Variants in GLIS1 observed in about 807,000 individuals in gnomAD.
GLIS1 encodes the protein zinc finger protein GLIS1.
GLIS1 carries 24 observed loss-of-function variants against 63.8 expected under a neutral mutation model. The observed-to-expected ratio is 0.38, with a 90% CI of 0.27 to 0.53. GLIS1 has a LOEUF of 0.53. GLIS1 is among the 20% of genes least tolerant of loss of function. GLIS1 has a pLI of 0.85. For synonymous variants in GLIS1, 450 were observed against 482.5 expected, an observed-to-expected ratio of 0.93 and a Z score of 0.88; for missense variants, 1,036 against 1,074.1, an observed-to-expected ratio of 0.96 and a Z score of 0.50.
intron 2 of GLIS1, among the ~76,000 whole-genome samples, chr1:53,621,704 T>G (rs1448012114): frequency 6.6e-6 from 1 of 152,030 alleles, no homozygotes; most frequent in African/African-American, 2.4e-5. Context: ...ATTTAAAAAA[T>G]ATATTAAAAT....
intron 2 of GLIS1, among the ~76,000 whole-genome samples, chr1:53,714,598 G>A (rs111770222): frequency 6.7e-4 from 102 of 152,276 alleles, no homozygotes; most frequent in African/African-American, 2.1e-3. Context: ...TACCAGCTGC[G>A]GGCAGCATCA....
intron 2 of GLIS1, among the ~76,000 whole-genome samples, chr1:53,706,668 G>T (rs145037905): frequency 1.8e-3 from 273 of 152,300 alleles, no homozygotes; most frequent in Middle Eastern, 0.014. Context: ...TCGGAAACAC[G>T]TGCCTTGTAA....
chr1:53,614,724 T>C (rs757071549), intron 2 of GLIS1, among the ~76,000 whole-genome samples: 85 of 152,144 alleles, frequency 5.6e-4, no homozygotes, highest in Non-Finnish European at 1.1e-3. Context: ...CTGTTCTGTT[T>C]CCTCATTGGA....
chr1:53,613,779 G>A (rs1463127105), intron 2 of GLIS1, among the ~76,000 whole-genome samples: 1 of 152,128 alleles, frequency 6.6e-6, no homozygotes, highest in African/African-American at 2.4e-5. Context: ...TTATGAGGCA[G>A]TCACTTCCTA....
intron 2 of GLIS1, among the ~76,000 whole-genome samples, chr1:53,657,003 G>A (rs1003063056): frequency 2.3e-5 from 3 of 132,840 alleles, no homozygotes; most frequent in South Asian, 5.6e-4. Context: ...CAATCAATGA[G>A]CTGAGGGACA....
At chr1:53,698,380 T>C (rs1000505386) in intron 2 of GLIS1, among the ~76,000 whole-genome samples, 5 of 152,252 alleles carry the variant, frequency 3.3e-5, no homozygotes, top group African/African-American at 1.2e-4. Context: ...TGCTTCTACA[T>C]CCCCTCACCC....
At chr1:53,638,120 C>A (rs1645746456) in intron 2 of GLIS1, among the ~76,000 whole-genome samples, 1 of 152,162 alleles carries the variant, frequency 6.6e-6, no homozygotes, top group African/African-American at 2.4e-5. Flanking sequence ...GTGGGGACTG[C>A]CACGGGGAGA....
Position 53,706,280 on chromosome 1 carries a change from G to A in GLIS1, c.259+31526C>T, listed in dbSNP as rs2100508166. Among the ~76,000 whole-genome samples the A allele has an allele frequency of 3.3e-5, 5 of 152,254 alleles. No individual in the cohort carries two copies. In the South Asian group the frequency reaches 1.0e-3, roughly 32 times the overall value. Reference sequence around the variant, plus strand: ...CCATGCCATTCTGATTCCCCTTCAAGATGGTAACAGCCTCAGAGCTGTTAG... The same window carrying A: ...CCATGCCATTCTGATTCCCCTTCAAAATGGTAACAGCCTCAGAGCTGTTAG... On this transcript the variant is annotated intron_variant, in intron 2 of 10. Coordinates refer to ENST00000628545, the MANE Select transcript of GLIS1 (RefSeq NM_001367484.1).
At position 53,594,146 on chromosome 1, in the gene GLIS1, T is replaced by C. The variant is rs1645222627; in HGVS notation, c.1282A>G (p.Met428Val). The C allele has an allele frequency of 6.2e-7, 1 of 1,613,316 alleles. No individual in the cohort carries two copies. Among genetic ancestry groups the C allele is most frequent in the Non-Finnish European group, 8.5e-7 (1 of 1,179,526 alleles). The stretch of plus-strand genomic sequence containing the variant: ...GGCTTCTCGCCCGAGTGCACTCGCA[T>C]GTGGATGAGCAGCTTGTAGCGGGCG... ...FNARYKLLIHMRVHSGEKPNK... is the reference protein window; with the variant it reads ...FNARYKLLIHVRVHSGEKPNK... Residue 428 changes from methionine to valine, a missense_variant, in exon 4 of 11, where the codon ATG (methionine) becomes GTG (valine). Transcript: ENST00000628545.
intron 4 of GLIS1, among the ~76,000 whole-genome samples, chr1:53,547,559 C>G (rs1387063306): frequency 6.6e-6 from 1 of 152,218 alleles, no homozygotes; most frequent in Non-Finnish European, 1.5e-5. Flanking sequence ...AGGCAGGGCT[C>G]CCCCAGCACA....
At position 53,509,901 on chromosome 1, in the gene GLIS1, C is replaced by T. The variant is rs1305848145; in HGVS notation, c.2010G>A (p.Pro670=). The change falls in exon 9 of 11, where the codon CCG becomes CCA. Residue 670 remains proline, a synonymous_variant. Transcript: ENST00000628545. Reference sequence around the variant, plus strand: ...GAGGGCTCTGGAAGGGTGGGTAGGACGGCTTGCTGGGGAGTGTGGGGAAGG... The same window carrying T: ...GAGGGCTCTGGAAGGGTGGGTAGGATGGCTTGCTGGGGAGTGTGGGGAAGG... ...GQPFPTLPSK[P]SYPPFQSPPP... is the part of the protein sequence containing the mutation. 6 of 1,307,932 alleles carry T rather than the reference C, an allele frequency of 4.6e-6. No individual in the cohort carries two copies. Among genetic ancestry groups the T allele is most frequent in the East Asian group, 2.8e-5 (1 of 35,538 alleles). 81.0% of individuals were successfully genotyped at this position (1,307,932 alleles called of 1,614,324 possible).
chr1:53,554,971 G>C (rs1489260297), intron 4 of GLIS1, among the ~76,000 whole-genome samples: 3 of 152,162 alleles, frequency 2.0e-5, no homozygotes, highest in Non-Finnish European at 4.4e-5. Context: ...GGTATCTGAG[G>C]GGGACTGGCA....
chr1:53,669,470 G>A (rs2100390593), intron 2 of GLIS1, among the ~76,000 whole-genome samples: 2 of 152,334 alleles, frequency 1.3e-5, no homozygotes, highest in South Asian at 4.1e-4. Context: ...GAGAAGGGGA[G>A]ATCTGTCAAC....
chr1:53,697,294 T>C (rs1646475166), intron 2 of GLIS1, among the ~76,000 whole-genome samples: 1 of 152,248 alleles, frequency 6.6e-6, no homozygotes, highest in East Asian at 1.9e-4. Flanking sequence ...CTGGCAGAGT[T>C]GGGACTTCCT....
intron 2 of GLIS1, among the ~76,000 whole-genome samples, chr1:53,637,677 C>T (rs1645741076): frequency 6.6e-6 from 1 of 152,132 alleles, no homozygotes; most frequent in Admixed American, 6.5e-5. Flanking sequence ...GCCTAGGCTG[C>T]CCTAGGACAG....
At chr1:53,712,803 G>C (rs1461554657) in intron 2 of GLIS1, among the ~76,000 whole-genome samples, 1 of 152,194 alleles carries the variant, frequency 6.6e-6, no homozygotes, top group Non-Finnish European at 1.5e-5. Flanking sequence ...AGGCAGTTCA[G>C]GTGCAGGGAA....
intron 4 of GLIS1, among the ~76,000 whole-genome samples, chr1:53,533,295 C>A (rs1278641869): frequency 6.6e-6 from 1 of 152,154 alleles, no homozygotes; most frequent in Admixed American, 6.5e-5. Context: ...TTTGAGAGTT[C>A]CTTGAGAGCA....
chr1:53,618,013 C>T lies in GLIS1; in HGVS notation c.260-17735G>A, dbSNP rs1185899886. On this transcript the variant is annotated intron_variant, in intron 2 of 10. Transcript: ENST00000628545. ...GGCAAGCATATGGTTCCTTTGAAAGCTCCCCAGGGAAGGTGAGCAGGCAGT... is the reference window on the plus strand; with the variant it reads ...GGCAAGCATATGGTTCCTTTGAAAGTTCCCCAGGGAAGGTGAGCAGGCAGT... Among the ~76,000 whole-genome samples, 5 of 152,254 alleles carry T rather than the reference C, an allele frequency of 3.3e-5. No homozygotes were observed. The East Asian group carries it at 7.7e-4, about 23-fold the overall frequency.
chr1:53,677,661 G>A (rs1311995153), intron 2 of GLIS1, among the ~76,000 whole-genome samples: 1 of 152,234 alleles, frequency 6.6e-6, no homozygotes, highest in Non-Finnish European at 1.5e-5. Flanking sequence ...CCAGGGCCTG[G>A]GCCCCAGTCC....
Sources: allele counts gnomAD v4.1 joint callset (sites outside exome capture counted in the v4.1 genomes callset), GRCh38; gene constraint gnomAD v4.1.1; transcripts MANE v1.5; gene names NCBI Gene and HGNC (gene_info 2026-07-23, HGNC 2026-07-21).